NTM: variants seen among roughly 807,000 people sequenced by gnomAD.
The protein encoded by NTM is IgLON family member 2.
A neutral mutation model predicts 42.1 loss-of-function variants in NTM; 13 were observed. The observed-to-expected ratio is 0.31, with a 90% CI of 0.20 to 0.49. The LOEUF is 0.49. Ranked by LOEUF, NTM falls within the 20% of genes least tolerant of loss-of-function variation. The pLI is 0.99. For synonymous variants in NTM, 187 were observed against 179.2 expected (o/e 1.04, Z -0.35); for missense variants, 373 against 452.8 (o/e 0.82, Z 1.60).
At chr11:131,767,245 T>C in intron 1 of NTM, 3 of 404,908 alleles carry the variant, frequency 7.4e-6, no homozygotes, top group South Asian at 1.0e-4. Context: ...ATAGGATTGT[T>C]GTAAGAATTA....
chr11:132,057,669 C>A (rs756481348), intron 2 of NTM, among the ~76,000 whole-genome samples: 5 of 152,198 alleles, frequency 3.3e-5, no homozygotes, highest in Non-Finnish European at 7.3e-5. Context: ...GGGGACACTG[C>A]AGATGCTTAA....
At chr11:131,547,958 G>A (rs2054161442) in intron 1 of NTM, among the ~76,000 whole-genome samples, 1 of 152,152 alleles carries the variant, frequency 6.6e-6, no homozygotes, top group Admixed American at 6.5e-5. Context: ...AAGATTGCAA[G>A]CTTGTTTTCA....
chr11:132,212,940 T>C (rs2083114844), intron 4 of NTM, among the ~76,000 whole-genome samples: 1 of 150,682 alleles, frequency 6.6e-6, no homozygotes, highest in Admixed American at 6.7e-5. Flanking sequence ...TGAACTCACA[T>C]TCTCATGAGA....
intron 2 of NTM, among the ~76,000 whole-genome samples, chr11:132,138,185 G>C (rs2068321241): frequency 6.6e-6 from 1 of 152,108 alleles, no homozygotes; most frequent in African/African-American, 2.4e-5. Flanking sequence ...TCTTGGAGTA[G>C]AGAAAAAAAT....
chr11:132,047,084 G>A (rs560905), intron 2 of NTM, among the ~76,000 whole-genome samples: 99,526 of 152,104 alleles, frequency 0.65, 34,013 homozygotes, highest in African/African-American at 0.85. Context: ...ACAGATCTGG[G>A]ATTGGAATGT....
intron 1 of NTM, among the ~76,000 whole-genome samples, chr11:131,654,556 C>A (rs560916204): frequency 6.6e-6 from 1 of 152,258 alleles, no homozygotes; most frequent in South Asian, 2.1e-4. Flanking sequence ...CCTTCCAAAT[C>A]TCATGCTGAA....
At chr11:131,793,049 C>T (rs900280297) in intron 1 of NTM, among the ~76,000 whole-genome samples, 5 of 152,132 alleles carry the variant, frequency 3.3e-5, no homozygotes, top group South Asian at 2.1e-4. Context: ...GCCCTGGAAC[C>T]GCTCCTTAGC....
chr11:132,314,841 G>C (rs1309425215), intron 7 of NTM, 138 bp downstream of exon 7: 3 of 1,395,722 alleles, frequency 2.1e-6, no homozygotes, highest in Non-Finnish European at 2.8e-6. Context: ...AAAAAAGAGA[G>C]AGACACAGAA....
At chr11:132,188,071 A>G (rs1336923453) in intron 3 of NTM, among the ~76,000 whole-genome samples, 2 of 152,078 alleles carry the variant, frequency 1.3e-5, no homozygotes, top group Non-Finnish European at 2.9e-5. Flanking sequence ...ATGACTTGAG[A>G]CATCCTAGTT....
chr11:131,908,575 T>C (rs2137868542), intron 1 of NTM, among the ~76,000 whole-genome samples: 1 of 152,350 alleles, frequency 6.6e-6, no homozygotes, highest in South Asian at 2.1e-4. Flanking sequence ...CCACTTGTTG[T>C]AGTGAGGATG....
intron 2 of NTM, among the ~76,000 whole-genome samples, chr11:132,097,834 T>A (rs1483607798): frequency 6.6e-6 from 1 of 152,204 alleles, no homozygotes; most frequent in East Asian, 1.9e-4. Flanking sequence ...GGAAAAGGGT[T>A]CCGGCATTGG....
intron 1 of NTM, among the ~76,000 whole-genome samples, chr11:131,408,233 G>A (rs982854082): frequency 1.7e-4 from 26 of 152,156 alleles, no homozygotes; most frequent in Admixed American, 1.5e-3. Flanking sequence ...GAGACAAAAC[G>A]CCTGTCTTCT....
chr11:131,796,610 T>C (rs893938604), intron 1 of NTM, among the ~76,000 whole-genome samples: 1 of 151,892 alleles, frequency 6.6e-6, no homozygotes, highest in Non-Finnish European at 1.5e-5. Context: ...AGAAATGGAG[T>C]GTGTAGAGTC....
At chr11:131,807,622 A>G (rs1372603660) in intron 1 of NTM, among the ~76,000 whole-genome samples, 1 of 152,216 alleles carries the variant, frequency 6.6e-6, no homozygotes, top group African/African-American at 2.4e-5. Flanking sequence ...TGCCCGTCTC[A>G]TAGAAAGATC....
intron 1 of NTM, among the ~76,000 whole-genome samples, chr11:131,672,333 G>T (rs527784829): frequency 4.6e-5 from 7 of 152,214 alleles, no homozygotes; most frequent in Non-Finnish European, 1.0e-4. Flanking sequence ...AGGCAGAGGC[G>T]GCGACTTGAG....
chr11:132,114,466 G>C (rs1206964411), intron 2 of NTM, among the ~76,000 whole-genome samples: 3 of 152,140 alleles, frequency 2.0e-5, no homozygotes, highest in African/African-American at 4.8e-5. Context: ...AAGCTACTCA[G>C]ACTATGACAG....
intron 4 of NTM, among the ~76,000 whole-genome samples, chr11:132,290,929 C>T (rs1453649008): frequency 6.6e-6 from 1 of 152,004 alleles, no homozygotes; most frequent in African/African-American, 2.4e-5. Flanking sequence ...GATAAGATGA[C>T]GTTCTTCTAG....
At chr11:131,490,735 A>G (rs1002120220) in intron 1 of NTM, among the ~76,000 whole-genome samples, 5 of 152,222 alleles carry the variant, frequency 3.3e-5, no homozygotes, top group African/African-American at 9.6e-5. Flanking sequence ...TTTAACTGCA[A>G]TCAATCAGGA....
intron 1 of NTM, among the ~76,000 whole-genome samples, chr11:131,467,653 G>A (rs1271401322): frequency 1.3e-5 from 2 of 152,186 alleles, no homozygotes; most frequent in African/African-American, 4.8e-5. Flanking sequence ...ATCCATGAGA[G>A]GTTATTAAAT....
Sources: gnomAD v4.1 joint callset for allele counts (sites outside exome capture counted in the v4.1 genomes callset) on GRCh38, gnomAD v4.1.1 for gene constraint, MANE v1.5 for transcripts, NCBI Gene and HGNC (gene_info 2026-07-23, HGNC 2026-07-21) for gene names.